ATG4B: variants seen among roughly 807,000 people sequenced by gnomAD.
ATG4B encodes the protein autophagy related 4B cysteine peptidase.
A neutral mutation model predicts 56.6 loss-of-function variants in ATG4B; 29 were observed. The ratio of observed to expected loss-of-function variants is 0.51; its 90% CI spans 0.38 to 0.70. The LOEUF (loss-of-function observed/expected upper bound fraction) is 0.70, where lower values mean the gene tolerates loss of function less well. ATG4B is among the 30% of genes least tolerant of loss of function. The pLI is 0.00. For missense variants in ATG4B, 461 were observed against 515.5 expected, an observed-to-expected ratio of 0.89 and a Z score of 1.02; for synonymous variants, 224 against 206.1, an observed-to-expected ratio of 1.09 and a Z score of -0.74.
At chr2:241,661,556 C>T (rs1202920174) in intron 7 of ATG4B, among the ~76,000 whole-genome samples, 1 of 152,192 alleles carries the variant, frequency 6.6e-6, no homozygotes, top group Non-Finnish European at 1.5e-5. Flanking sequence ...TAAGCAAGGA[C>T]TTTTCTTCTA....
chr2:241,661,757 C>G (rs1311926657), intron 7 of ATG4B, among the ~76,000 whole-genome samples: 1 of 152,050 alleles, frequency 6.6e-6, no homozygotes, highest in Non-Finnish European at 1.5e-5. Flanking sequence ...ACCCATCCCC[C>G]CCGCAACTCA....
At position 241,673,329 on chromosome 2, in the gene ATG4B, C is replaced by T. The variant is rs1487867533; in HGVS notation, c.*1065C>T. The T allele has an allele frequency of 8.5e-6, 3 of 352,658 alleles. No individual in the cohort carries two copies. Among genetic ancestry groups the T allele is most frequent in the Admixed American group, 3.8e-5 (1 of 26,514 alleles). 21.8% of individuals were successfully genotyped at this position (352,658 alleles called of 1,614,324 possible). ...ACCTGCTGTCCCGGGTCCCAGAGTG[C>T]ACTCTGCCCCGCTGCTCTGCTGCCT... On this transcript the variant is annotated 3_prime_UTR_variant, in exon 13 of 13. Coordinates refer to ENST00000404914, the MANE Select transcript of ATG4B (RefSeq NM_013325.5).
At chr2:241,637,755 C>T (rs778416297) in intron 1 of ATG4B, 31 bp downstream of exon 1, 2 of 1,567,346 alleles carry the variant, frequency 1.3e-6, no homozygotes, top group South Asian at 1.2e-5. Flanking sequence ...GGTCTTTCCG[C>T]AGGAGGTGCT....
In ATG4B at chr2:241,673,719, A is replaced by G. The variant is rs1211082232; in HGVS notation, c.*1455A>G. 2.2e-6 allele frequency: 1 copy of G among 455,430 alleles called. No homozygotes were observed. The highest frequency in any genetic ancestry group is 1.6e-5 in the South Asian group (1 of 64,510). 28.2% of individuals were successfully genotyped at this position (455,430 alleles called of 1,614,324 possible). On this transcript the variant is annotated 3_prime_UTR_variant, in exon 13 of 13. Transcript: ENST00000404914. ...CCGCTGTGCTGGGAGCTGCAGTGGTAATGTGTGGGACACCTTGACCAAAGG... is the reference window on the plus strand; with the variant it reads ...CCGCTGTGCTGGGAGCTGCAGTGGTGATGTGTGGGACACCTTGACCAAAGG...
rs1170696775 is a variant in ATG4B at position 241,651,937 on chromosome 2, C to G, written c.184+602C>G. On this transcript the variant is annotated intron_variant, in intron 3 of 12. Coordinates refer to ENST00000404914, the MANE Select transcript of ATG4B (RefSeq NM_013325.5). The surrounding 1 kb of genome is among the most constrained non-coding windows in gnomAD (Gnocchi z 4.1). ...CTGGAAGGAGATGGGGACTGGTTCT[C>G]AGCCTTGCCTCTCACCGGCGGAGAA... The G allele has an allele frequency of 7.7e-7, 1 of 1,304,140 alleles. No homozygotes were observed. The highest frequency in any genetic ancestry group is 1.2e-5 in the South Asian group (1 of 81,028). The allele number at this position is 1,304,140 out of a possible 1,614,324, so 80.8% of individuals were successfully genotyped here. A position where few individuals can be genotyped will look rare whatever the true frequency, so the allele number is the denominator to read the frequency against.
At position 241,666,646 on chromosome 2, in the gene ATG4B, A is replaced by G. The variant is rs953419720; in HGVS notation, c.540A>G (p.Arg180=). 1 of 1,613,166 alleles carries G rather than the reference A, an allele frequency of 6.2e-7. No homozygotes were observed. Among genetic ancestry groups the G allele is most frequent in the African/African-American group, 1.3e-5 (1 of 74,904 alleles). ...GTGAAAGCATGTCTCCCTTTCTAGGAAGGTTGTGCAGGACCAGCGTTCCCT... is the reference window on the plus strand; with the variant it reads ...GTGAAAGCATGTCTCCCTTTCTAGGGAGGTTGTGCAGGACCAGCGTTCCCT... The part of the protein sequence containing the change: ...MDNTVVMEEI[R]RLCRTSVPCA... Residue 180 remains arginine, a splice_region_variant and synonymous_variant, in exon 8 of 13, where the codon AGA becomes AGG. Coordinates refer to ENST00000404914, the MANE Select transcript of ATG4B (RefSeq NM_013325.5).
At chr2:241,661,053 CAG>C (rs2068577102) in intron 7 of ATG4B, among the ~76,000 whole-genome samples, 2 of 152,216 alleles carry the variant, frequency 1.3e-5, no homozygotes, top group Non-Finnish European at 2.9e-5. Flanking sequence ...TCGGGAGTCT[CAG>C]GGCTGCCCAA....
intron 1 of ATG4B, among the ~76,000 whole-genome samples, chr2:241,648,021 G>A (rs1175454097): frequency 6.6e-6 from 1 of 152,154 alleles, no homozygotes; most frequent in Non-Finnish European, 1.5e-5. Flanking sequence ...GGATGAGGCA[G>A]GAGAATTTCT....
In ATG4B at chr2:241,670,867, C is replaced by G. The variant is rs2068946817; in HGVS notation, c.1014+85C>G. 4 of 1,388,562 alleles carry G rather than the reference C, an allele frequency of 2.9e-6. No homozygotes were observed. In the Admixed American group the frequency reaches 7.9e-5, roughly 27 times the overall value. The allele number at this position is 1,388,562 out of a possible 1,614,324, so 86.0% of individuals were successfully genotyped here. ...GCGTGCAGGGGTCGAAGGCCTGCGT[C>G]CAGGTCTCAGGCAGCCTCACTGGGC... On this transcript the variant is annotated intron_variant, in intron 11 of 12. Coordinates refer to ENST00000404914, the MANE Select transcript of ATG4B (RefSeq NM_013325.5).
intron 1 of ATG4B, 107 bp downstream of exon 1, chr2:241,637,831 C>A: frequency 8.7e-7 from 1 of 1,144,296 alleles, no homozygotes; most frequent in Non-Finnish European, 1.1e-6. Context: ...CACGCCGGTG[C>A]GGGCCAGGCT....
In ATG4B at chr2:241,672,387, AC is replaced by A. The variant is rs565971514; in HGVS notation, c.*126del. On this transcript the variant is annotated 3_prime_UTR_variant, in exon 13 of 13. Coordinates refer to ENST00000404914, the MANE Select transcript of ATG4B (RefSeq NM_013325.5). ...CCGTGCTGCCTCCCCCCAGAGGGCCACCCGCTGTGCTCGTGGACTGAGGCTG... is the reference window on the plus strand; with the variant it reads ...CCGTGCTGCCTCCCCCCAGAGGGCCACCGCTGTGCTCGTGGACTGAGGCTG... The A allele has an allele frequency of 3.5e-4, 307 of 881,134 alleles. 1 individual carries two copies. The African/African-American group carries it at 4.5e-3, about 13-fold the overall frequency. The allele number at this position is 881,134 out of a possible 1,614,324, so 54.6% of individuals were successfully genotyped here. A position where few individuals can be genotyped will look rare whatever the true frequency, so the allele number is the denominator to read the frequency against.
Position 241,673,167 on chromosome 2 carries a change from T to G in ATG4B, c.*903T>G. 1 of 211,810 alleles carries G rather than the reference T, an allele frequency of 4.7e-6. No individual in the cohort carries two copies. The highest frequency in any genetic ancestry group is 9.8e-6 in the Non-Finnish European group (1 of 101,894). The allele number at this position is 211,810 out of a possible 1,614,324, so 13.1% of individuals were successfully genotyped here. ...CCTCCCATGCCGCTGAGGTGTTAGG[T>G]GGTTTAGGGCCAAAAGGGGAAAACC... On this transcript the variant is annotated 3_prime_UTR_variant, in exon 13 of 13. Transcript: ENST00000404914.
intron 1 of ATG4B, among the ~76,000 whole-genome samples, chr2:241,650,359 C>A (rs2068192492): frequency 6.6e-6 from 1 of 152,048 alleles, no homozygotes; most frequent in Non-Finnish European, 1.5e-5. Flanking sequence ...AGAGTAGCAC[C>A]CCATGCTTCT....
intron 1 of ATG4B, among the ~76,000 whole-genome samples, chr2:241,642,996 C>A (rs1196699053): frequency 6.7e-6 from 1 of 149,766 alleles, no homozygotes; most frequent in Admixed American, 6.7e-5. Flanking sequence ...GATTCTCCTG[C>A]CTCAGCCTCC....
chr2:241,666,864 CCT>C (rs1387159053), intron 8 of ATG4B, 26 bp downstream of exon 8: 5 of 1,538,764 alleles, frequency 3.2e-6, no homozygotes, highest in Non-Finnish European at 3.5e-6. Context: ...CGGCGCTTGC[CCT>C]GAGTCCCCGT....
intron 7 of ATG4B, 199 bp from the exon 8 acceptor site, chr2:241,666,446 C>G: frequency 1.6e-6 from 1 of 618,350 alleles, no homozygotes. Context: ...TGCATAGAAA[C>G]TATTTCTTTT....
intron 12 of ATG4B, chr2:241,671,717 A>G: frequency 1.5e-6 from 2 of 1,324,390 alleles, no homozygotes; most frequent in South Asian, 3.0e-5. Context: ...GTGGTGACGC[A>G]GTCCTGGGTG....
chr2:241,663,598 A>G (rs774117674), intron 7 of ATG4B, among the ~76,000 whole-genome samples: 60 of 152,226 alleles, frequency 3.9e-4, no homozygotes, highest in Non-Finnish European at 7.1e-4. Context: ...AAATAAGCAT[A>G]CAACTCAAGA....
At chr2:241,646,655 C>T (rs550757543) in intron 1 of ATG4B, among the ~76,000 whole-genome samples, 1 of 152,270 alleles carries the variant, frequency 6.6e-6, no homozygotes, top group South Asian at 2.1e-4. Context: ...GGGAATGACC[C>T]CTGCTCTACA....
Sources: allele counts gnomAD v4.1 joint callset (sites outside exome capture counted in the v4.1 genomes callset), GRCh38; gene constraint gnomAD v4.1.1; non-coding constraint Gnocchi (gnomAD v3.1); transcripts MANE v1.5; gene names NCBI Gene and HGNC (gene_info 2026-07-23, HGNC 2026-07-21).